Variants in BAHD1 observed in about 807,000 individuals in gnomAD.
The protein encoded by BAHD1 is bromo adjacent homology domain containing 1.
In BAHD1, 20 loss-of-function variants were observed where a neutral mutation model predicts 63.1. The ratio of observed to expected loss-of-function variants is 0.32; its 90% confidence interval spans 0.22 to 0.46. BAHD1 has a LOEUF of 0.46. Among genes scored for constraint, BAHD1 ranks in the 20% least tolerant of loss-of-function variants. The pLI, the probability that BAHD1 is intolerant of heterozygous loss-of-function variation, is 1.00. For missense variants in BAHD1, 939 were observed against 1,071.8 expected, an observed-to-expected ratio of 0.88 and a Z score of 1.73; for synonymous variants, 408 against 426.8, an observed-to-expected ratio of 0.96 and a Z score of 0.54.
chr15:40,444,467 A>C (rs77864341), intron 1 of BAHD1, among the ~76,000 whole-genome samples: 6,239 of 152,210 alleles, frequency 0.041, 394 homozygotes, highest in African/African-American at 0.13. Flanking sequence ...CATTCTTTCT[A>C]CCCAGCTTTG....
chr15:40,466,143 C>G lies in BAHD1; in HGVS notation c.*13C>G. On this transcript the variant is annotated 3_prime_UTR_variant, in exon 7 of 7. Transcript: ENST00000416165. ...GAACCCCCAGTAGCCTCCTCATGCC[C>G]ATGCTGGGGCTACCCATGGGCAAGT... is the stretch of plus-strand genomic sequence containing the variant. The G allele has an allele frequency of 6.2e-7, 1 of 1,607,988 alleles. No individual in the cohort carries two copies. Among genetic ancestry groups the G allele is most frequent in the Non-Finnish European group, 8.5e-7 (1 of 1,176,536 alleles).
chr15:40,464,280 C>G (rs1434616604), intron 4 of BAHD1, 191 bp from the exon 5 acceptor site: 15 of 648,060 alleles, frequency 2.3e-5, no homozygotes, highest in Non-Finnish European at 3.7e-5. Context: ...TCAGTGCCTT[C>G]TCCCCCTTCT....
At chr15:40,440,882 C>T (rs1893376913), upstream of BAHD1, among the ~76,000 whole-genome samples, 2 of 152,124 alleles carry the variant, frequency 1.3e-5, no homozygotes. Context: ...CGGAGCTGGC[C>T]GAGGGGCGCG....
At position 40,459,704 on chromosome 15, in the gene BAHD1, G is replaced by T; in HGVS notation, c.1240G>T (p.Gly414Trp). 1 of 1,613,994 alleles carries T rather than the reference G, an allele frequency of 6.2e-7. No individual in the cohort carries two copies. The highest frequency in any genetic ancestry group is 2.2e-5 in the East Asian group (1 of 44,884). ...CCCAGTGGCTGCACCTCACGAGGAG[G>T]GGCTCCTCTTAGCTCCGAGCTCAGT... Reference protein sequence around the residue: ...LSPVAAPHEEGLLLAPSSVPS... With the variant: ...LSPVAAPHEEWLLLAPSSVPS... The change falls in exon 2 of 7, where the codon GGG becomes TGG. Residue 414 changes from glycine (G) to tryptophan (W), a missense_variant. Gly to Trp is a radical substitution (Grantham distance 184). This residue lies in a region of BAHD1 where 797 missense variants were observed against 813.3 expected (regional missense o/e 0.98). Coordinates refer to ENST00000416165, the MANE Select transcript of BAHD1 (RefSeq NM_014952.5).
At chr15:40,446,941 T>G (rs1893556699) in intron 1 of BAHD1, among the ~76,000 whole-genome samples, 1 of 152,226 alleles carries the variant, frequency 6.6e-6, no homozygotes, top group Non-Finnish European at 1.5e-5. Flanking sequence ...GCTTCCTGCG[T>G]GCAGTGGAGA....
In BAHD1 at chr15:40,467,993, T is replaced by C. The variant is rs1894263331; in HGVS notation, c.*1863T>C. 1 of 152,616 alleles carries C rather than the reference T, an allele frequency of 6.6e-6. No homozygotes were observed. The highest frequency in any genetic ancestry group is 2.4e-5 in the African/African-American group (1 of 41,442). 9.5% of individuals were successfully genotyped at this position (152,616 alleles called of 1,614,324 possible). A position where few individuals can be genotyped will look rare whatever the true frequency, so the allele number is the denominator to read the frequency against. On this transcript the variant is annotated 3_prime_UTR_variant, in exon 7 of 7. Transcript: ENST00000416165. Reference sequence around the variant, plus strand: ...TTTTGAAATCTCTTAGATGTGGAAATATTTTTTCGAACCTGAAAATGCAGC... The same window carrying C: ...TTTTGAAATCTCTTAGATGTGGAAACATTTTTTCGAACCTGAAAATGCAGC...
intron 1 of BAHD1, among the ~76,000 whole-genome samples, chr15:40,456,726 A>G (rs944992998): frequency 2.0e-5 from 3 of 152,272 alleles, no homozygotes; most frequent in Non-Finnish European, 4.4e-5. Context: ...ATCCTGGCAC[A>G]GCAGGGACTG....
At chr15:40,464,444 G>A (rs1486383661) in intron 4 of BAHD1, 27 bp from the exon 5 acceptor site, 1 of 1,601,008 alleles carries the variant, frequency 6.2e-7, no homozygotes, top group African/African-American at 1.3e-5. Context: ...GCCAGTTCAA[G>A]CCATAACCAC....
chr15:40,449,371 G>C (rs759333102), intron 1 of BAHD1, among the ~76,000 whole-genome samples: 12 of 152,294 alleles, frequency 7.9e-5, no homozygotes, highest in Non-Finnish European at 1.8e-4. Flanking sequence ...CTTTGCTCCT[G>C]ATTTCACCTA....
At position 40,449,642 on chromosome 15, in the gene BAHD1, T is replaced by C. The variant is rs965094476; in HGVS notation, c.-15+8374T>C. 2.0e-5 allele frequency among the ~76,000 whole-genome samples: 3 copies of C among 151,288 alleles called. No homozygotes were observed. In the East Asian group the frequency reaches 5.8e-4, roughly 29 times the overall value. On this transcript the variant is annotated intron_variant, in intron 1 of 6. Transcript: ENST00000416165. ...TAGTGAGACCTTGTCTCTACAAAAA[T>C]AAAAATAAATTTAAAAATTAGCCAG...
chr15:40,449,829 A>AG (rs1206736243), intron 1 of BAHD1, among the ~76,000 whole-genome samples: 18 of 151,940 alleles, frequency 1.2e-4, no homozygotes, highest in Non-Finnish European at 2.1e-4. Flanking sequence ...AAAAAAAAAA[A>AG]AAAGAAAATG....
chr15:40,462,959 G>C (rs1343580509), intron 3 of BAHD1, among the ~76,000 whole-genome samples: 2 of 152,108 alleles, frequency 1.3e-5, no homozygotes, highest in African/African-American at 2.4e-5. Flanking sequence ...GTGACAGAGA[G>C]ACCCTGGCTT....
rs751957418 is a variant in BAHD1, at chr15:40,463,848, G to A, written c.1816-13G>A. On this transcript the variant is annotated splice_polypyrimidine_tract_variant and intron_variant, in intron 3 of 6. Coordinates refer to ENST00000416165, the MANE Select transcript of BAHD1 (RefSeq NM_014952.5). Reference sequence around the variant, plus strand: ...CTCTGCAAGCCTATTTGTGTCATTGGTTTGTTGCCTAGGATGAGCCGGAGC... The same window carrying A: ...CTCTGCAAGCCTATTTGTGTCATTGATTTGTTGCCTAGGATGAGCCGGAGC... 2 of 1,613,934 alleles carry A rather than the reference G, an allele frequency of 1.2e-6. No homozygotes were observed. Among genetic ancestry groups the A allele is most frequent in the Non-Finnish European group, 1.7e-6 (2 of 1,179,870 alleles).
intron 4 of BAHD1, 86 bp from the exon 5 acceptor site, chr15:40,464,385 C>A: frequency 1.6e-6 from 2 of 1,218,202 alleles, no homozygotes; most frequent in Non-Finnish European, 1.2e-6. Context: ...GTTGGATGAA[C>A]CTCCAGGGCA....
At chr15:40,439,127 G>A (rs901372040), upstream of BAHD1, among the ~76,000 whole-genome samples, 9 of 152,220 alleles carry the variant, frequency 5.9e-5, no homozygotes, top group South Asian at 2.1e-4. Flanking sequence ...ATCTTTCAGC[G>A]TCCTACTTTT....
intron 1 of BAHD1, among the ~76,000 whole-genome samples, chr15:40,451,976 T>G (rs1234610259): frequency 1.3e-5 from 2 of 152,246 alleles, no homozygotes; most frequent in Non-Finnish European, 2.9e-5. Context: ...ACTGGTATGA[T>G]TAAAACACAA....
At chr15:40,449,414 T>C (rs1180987487) in intron 1 of BAHD1, among the ~76,000 whole-genome samples, 1 of 152,220 alleles carries the variant, frequency 6.6e-6, no homozygotes, top group East Asian at 1.9e-4. Context: ...TACAAGTGTC[T>C]GTAGTACTAC....
At chr15:40,461,694 A>T (rs1318434932) in intron 2 of BAHD1, among the ~76,000 whole-genome samples, 1 of 152,052 alleles carries the variant, frequency 6.6e-6, no homozygotes, top group Non-Finnish European at 1.5e-5. Context: ...TCTCTTTCAG[A>T]CTAAAAGGGG....
upstream of BAHD1, chr15:40,439,865 C>T (rs1017924193): frequency 1.3e-5 from 2 of 152,308 alleles, no homozygotes; most frequent in African/African-American, 4.8e-5. Flanking sequence ...CTGCTGTGCC[C>T]ACCCACCCCA....
Sources: allele counts gnomAD v4.1 joint callset (sites outside exome capture counted in the v4.1 genomes callset), GRCh38; gene constraint gnomAD v4.1.1; regional missense constraint gnomAD v4.1.1; transcripts MANE v1.5; gene names NCBI Gene and HGNC (gene_info 2026-07-23, HGNC 2026-07-21).